The following EGF variants were observed in gnomAD, a reference collection of about 807,000 sequenced individuals.
EGF encodes pro-epidermal growth factor.
In EGF, 95 loss-of-function variants were observed where a neutral mutation model predicts 143.8. That is an observed-to-expected ratio of 0.66 (90% CI 0.56 to 0.78). The LOEUF is 0.78. EGF is among the 30% of genes least tolerant of loss of function. EGF has a pLI of 0.00. For missense variants in EGF, 1,320 were observed against 1,470.9 expected, an observed-to-expected ratio of 0.90 and a Z score of 1.68; for synonymous variants, 510 against 510.5, an observed-to-expected ratio of 1.00 and a Z score of 0.01.
Position 109,960,922 on chromosome 4 carries a change from C to T in EGF, c.1122C>T (p.Thr374=), listed in dbSNP as rs368429497. The T allele has an allele frequency of 5.1e-5, 83 of 1,613,698 alleles. 2 individuals are homozygous for T. In the South Asian group the frequency reaches 8.5e-4, roughly 16 times the overall value. The change falls in exon 7 of 24, where the codon ACC becomes ACT. Residue 374 remains threonine, a synonymous_variant. Transcript: ENST00000265171. The part of the protein sequence containing the change: ...NHGCTLGCKN[T]PGSYYCTCPV... The stretch of plus-strand genomic sequence containing the variant: ...GCTGTACTCTTGGGTGTAAAAACAC[C>T]CCTGGATCCTATTACTGCACGTGCC...
rs1176490997 is a variant in EGF at position 110,013,686 on chromosome 4, T to A, written c.*2231T>A. Among the ~76,000 whole-genome samples, 1 of 152,082 alleles carries A rather than the reference T, an allele frequency of 6.6e-6. No individual in the cohort carries two copies. Among genetic ancestry groups the A allele is most frequent in the Non-Finnish European group, 1.5e-5 (1 of 68,022 alleles). ...GCGCAACGCCTGATTGAGCTTCTGT[T>A]TGACTAAATATCACCTACTATGTAA... On this transcript the variant is annotated 3_prime_UTR_variant, in exon 24 of 24. Coordinates refer to ENST00000265171, the MANE Select transcript of EGF (RefSeq NM_001963.6).
chr4:109,990,188 G>A (rs1436170268), intron 18 of EGF, among the ~76,000 whole-genome samples: 2 of 152,052 alleles, frequency 1.3e-5, no homozygotes, highest in Admixed American at 6.6e-5. Context: ...TATTTAATTG[G>A]CCCCTATTAA....
intron 20 of EGF, among the ~76,000 whole-genome samples, chr4:109,996,857 C>T (rs1484819251): frequency 2.6e-5 from 4 of 152,162 alleles, no homozygotes; most frequent in East Asian, 1.9e-4. Flanking sequence ...AGGAGGTCCT[C>T]GTTCATTCTG....
rs191126819 is a variant in EGF at position 110,002,285 on chromosome 4, G to T, written c.3174-2220G>T. Reference sequence around the variant, plus strand: ...AGACAGGCAGATTGCTTGAGCCCAGGAGTTCAAACCAACCTGGGCACCATG... The same window carrying T: ...AGACAGGCAGATTGCTTGAGCCCAGTAGTTCAAACCAACCTGGGCACCATG... On this transcript the variant is annotated intron_variant, in intron 21 of 23. Transcript: ENST00000265171. Among the ~76,000 whole-genome samples, 33 of 152,174 alleles carry T rather than the reference G, an allele frequency of 2.2e-4. No individual in the cohort carries two copies. In the East Asian group the frequency reaches 5.8e-3, roughly 27 times the overall value.
rs914738485 is a variant in EGF, at chr4:110,012,581, A to G, written c.*1126A>G. 1.3e-5 allele frequency among the ~76,000 whole-genome samples: 2 copies of G among 152,188 alleles called. No individual in the cohort carries two copies. The highest frequency in any genetic ancestry group is 2.1e-4 in the South Asian group (1 of 4,818). On this transcript the variant is annotated 3_prime_UTR_variant, in exon 24 of 24. Coordinates refer to ENST00000265171, the MANE Select transcript of EGF (RefSeq NM_001963.6). ...TTTTTGTAGACATGGGGATCACACAATGTTGCCCAGGCTGGTCTTGAACTC... is the reference window on the plus strand; with the variant it reads ...TTTTTGTAGACATGGGGATCACACAGTGTTGCCCAGGCTGGTCTTGAACTC...
At chr4:109,961,591 G>A (rs920665978) in intron 7 of EGF, among the ~76,000 whole-genome samples, 1 of 152,040 alleles carries the variant, frequency 6.6e-6, no homozygotes, top group African/African-American at 2.4e-5. Context: ...GGATAGGCAT[G>A]TAAAAAACAT....
chr4:109,964,971 A>G (rs538593768), intron 10 of EGF, among the ~76,000 whole-genome samples: 1 of 152,076 alleles, frequency 6.6e-6, no homozygotes, highest in Non-Finnish European at 1.5e-5. Flanking sequence ...CTTTTGAGGG[A>G]GGAGATTCAA....
In EGF at chr4:110,008,218, C is replaced by T. The variant is rs149589582; in HGVS notation, c.3358C>T (p.Gln1120Ter). 6.2e-5 allele frequency: 100 copies of T among 1,613,850 alleles called. No homozygotes were observed. The highest frequency in any genetic ancestry group is 7.6e-5 in the Non-Finnish European group (90 of 1,179,948). Residue 1120 changes from glutamine to a stop codon, truncating the protein, a stop_gained, in exon 23 of 24, where the codon CAG (glutamine) becomes TAG (stop). Coordinates refer to ENST00000265171, the MANE Select transcript of EGF (RefSeq NM_001963.6). LOFTEE classifies it low-confidence loss of function (END_TRUNC). ...GGQPVAGEDG[Q>*]AADGSMQPTS... ...TCAACCAGTGGCTGGTGAGGATGGC[C>T]AGGCAGCAGATGGTCAGTTTTTATC...
intron 9 of EGF, among the ~76,000 whole-genome samples, chr4:109,963,722 T>A (rs1425087189): frequency 1.3e-5 from 2 of 152,228 alleles, no homozygotes; most frequent in Non-Finnish European, 2.9e-5. Context: ...TTCAGCTATT[T>A]TTTTTGTCTT....
chr4:109,926,503 C>A (rs1414774540), intron 1 of EGF, among the ~76,000 whole-genome samples: 1 of 151,952 alleles, frequency 6.6e-6, no homozygotes, highest in South Asian at 2.1e-4. Context: ...TACAGGCGCC[C>A]GCCACCACAC....
At chr4:109,996,861 C>A (rs1349260392) in intron 20 of EGF, among the ~76,000 whole-genome samples, 1 of 152,184 alleles carries the variant, frequency 6.6e-6, no homozygotes, top group Non-Finnish European at 1.5e-5. Flanking sequence ...GGTCCTCGTT[C>A]ATTCTGTCTT....
intron 20 of EGF, among the ~76,000 whole-genome samples, chr4:109,998,411 G>A (rs1242829162): frequency 6.6e-6 from 1 of 152,194 alleles, no homozygotes; most frequent in South Asian, 2.1e-4. Context: ...ATGGTATAGT[G>A]GAAAGAACAT....
Position 109,913,351 on chromosome 4 carries a change from A to G in EGF, c.16A>G (p.Ile6Val), listed in dbSNP as rs184863742. Residue 6 changes from isoleucine to valine, a missense_variant, in exon 1 of 24, where the codon ATC becomes GTC. This residue lies in a region of EGF where 79 missense variants were observed against 71.2 expected (regional missense o/e 1.11). Transcript: ENST00000265171. ...CATCAAGATTATGCTGCTCACTCTT[A>G]TCATTCTGTTGCCAGTAGTTTCAAA... is the stretch of plus-strand genomic sequence containing the variant. MLLTLIILLPVVSKFS... is the reference protein window; with the variant it reads MLLTLVILLPVVSKFS... 4.4e-5 allele frequency: 71 copies of G among 1,613,970 alleles called. No individual in the cohort carries two copies. In the East Asian group the frequency reaches 1.5e-3, roughly 34 times the overall value.
chr4:109,976,336 G>A, intron 13 of EGF, 101 bp downstream of exon 13: 5 of 1,020,180 alleles, frequency 4.9e-6, no homozygotes, highest in Non-Finnish European at 7.5e-6. Context: ...TTAGCCGTAT[G>A]GGTGAATATG....
chr4:109,963,927 A>C (rs1026483486), intron 9 of EGF, among the ~76,000 whole-genome samples: 1 of 152,218 alleles, frequency 6.6e-6, no homozygotes, highest in African/African-American at 2.4e-5. Flanking sequence ...TCATTAATAT[A>C]GTGTAATCTA....
intron 12 of EGF, among the ~76,000 whole-genome samples, chr4:109,975,798 A>G (rs1244811014): frequency 6.6e-6 from 1 of 152,196 alleles, no homozygotes; most frequent in South Asian, 2.1e-4. Flanking sequence ...CTTTAATTCA[A>G]CATTTCTTTT....
intron 7 of EGF, 93 bp from the exon 8 acceptor site, chr4:109,961,770 A>G (rs922271511): frequency 6.5e-7 from 1 of 1,549,944 alleles, no homozygotes; most frequent in Non-Finnish European, 8.8e-7. Context: ...AGGTCAAGGC[A>G]GGAGGATCAC....
chr4:109,938,310 A>G (rs138062691), intron 1 of EGF, among the ~76,000 whole-genome samples: 4 of 152,234 alleles, frequency 2.6e-5, no homozygotes, highest in African/African-American at 9.6e-5. Context: ...TGAATTGACT[A>G]TTGAAGCTTG....
chr4:109,979,242 G>A (rs1297569454), intron 13 of EGF, among the ~76,000 whole-genome samples: 2 of 152,094 alleles, frequency 1.3e-5, no homozygotes, highest in Non-Finnish European at 2.9e-5. Flanking sequence ...GAGACAAGGA[G>A]GAGCTAGAGG....
Sources: gnomAD v4.1 joint callset for allele counts (sites outside exome capture counted in the v4.1 genomes callset) on GRCh38, gnomAD v4.1.1 for gene constraint, gnomAD v4.1.1 regional missense constraint, MANE v1.5 for transcripts, NCBI Gene and HGNC (gene_info 2026-07-23, HGNC 2026-07-21) for gene names.